Variants in NXPH2 observed in about 807,000 individuals in gnomAD.
NXPH2 encodes neurexophilin 2.
Under a neutral mutation model 19.8 loss-of-function variants are expected in NXPH2, and 5 were observed. The ratio of observed to expected loss-of-function variants is 0.25; its 90% confidence interval spans 0.13 to 0.53. NXPH2 has a LOEUF of 0.53. NXPH2 is among the 20% of genes least tolerant of loss of function. The pLI, the probability that NXPH2 is intolerant of heterozygous loss-of-function variation, is 0.96. For missense variants in NXPH2, 289 were observed against 322.8 expected (o/e 0.90, Z 0.80); for synonymous variants, 154 against 127.4 (o/e 1.21, Z -1.41).
Position 138,687,599 on chromosome 2 carries a change from G to A in NXPH2, c.52-15934C>T, listed in dbSNP as rs557040969. Reference sequence around the variant, plus strand: ...TTTGGCTTTTGTTTCTATTGCTTTTGGTGTTTTAGACATGAAGTCCTTGCC... The same window carrying A: ...TTTGGCTTTTGTTTCTATTGCTTTTAGTGTTTTAGACATGAAGTCCTTGCC... On this transcript the variant is annotated intron_variant, in intron 1 of 1. Transcript: ENST00000272641. Among the ~76,000 whole-genome samples, 251 of 152,198 alleles carry A rather than the reference G, an allele frequency of 1.6e-3. 1 individual carries two copies. Among genetic ancestry groups the A allele is most frequent in the African/African-American group, 5.9e-3 (244 of 41,502 alleles).
chr2:138,745,986 C>G (rs1681727328), intron 1 of NXPH2, among the ~76,000 whole-genome samples: 1 of 152,136 alleles, frequency 6.6e-6, no homozygotes, highest in Non-Finnish European at 1.5e-5. Context: ...AAATAGCCAT[C>G]CACAGATTCT....
At chr2:138,697,373 G>C (rs952621594) in intron 1 of NXPH2, among the ~76,000 whole-genome samples, 9 of 152,000 alleles carry the variant, frequency 5.9e-5, no homozygotes, top group Non-Finnish European at 1.0e-4. Flanking sequence ...TGAAATAAAT[G>C]ATGCCCAGAA....
At chr2:138,724,768 A>G (rs1681333660) in intron 1 of NXPH2, among the ~76,000 whole-genome samples, 1 of 152,254 alleles carries the variant, frequency 6.6e-6, no homozygotes, top group African/African-American at 2.4e-5. Context: ...TTAGTAGCTC[A>G]AGAAGATAAA....
At chr2:138,747,108 T>C (rs1339099422) in intron 1 of NXPH2, among the ~76,000 whole-genome samples, 1 of 152,208 alleles carries the variant, frequency 6.6e-6, no homozygotes, top group African/African-American at 2.4e-5. Context: ...CTCCTATTGA[T>C]GGACGTTTAG....
At chr2:138,706,601 A>G (rs963008166) in intron 1 of NXPH2, among the ~76,000 whole-genome samples, 24 of 152,150 alleles carry the variant, frequency 1.6e-4, no homozygotes, top group Admixed American at 2.6e-4. Flanking sequence ...TATGAATGAG[A>G]AAAAAGTTGT....
intron 1 of NXPH2, among the ~76,000 whole-genome samples, chr2:138,761,760 T>C (rs951200177): frequency 2.0e-5 from 3 of 152,200 alleles, no homozygotes; most frequent in Non-Finnish European, 4.4e-5. Flanking sequence ...TATTTAACTT[T>C]CAAAGATTCT....
chr2:138,732,700 C>T (rs1312376131), intron 1 of NXPH2, among the ~76,000 whole-genome samples: 1 of 152,040 alleles, frequency 6.6e-6, no homozygotes, highest in Non-Finnish European at 1.5e-5. Flanking sequence ...GTTCCTCCTG[C>T]CAATATTCTG....
intron 1 of NXPH2, among the ~76,000 whole-genome samples, chr2:138,701,694 G>A (rs538086512): frequency 1.3e-5 from 2 of 152,112 alleles, no homozygotes; most frequent in African/African-American, 4.8e-5. Context: ...ATATGATGTT[G>A]CTTTTTAATA....
intron 1 of NXPH2, among the ~76,000 whole-genome samples, chr2:138,777,696 G>A (rs1573987528): frequency 6.6e-6 from 1 of 151,426 alleles, no homozygotes; most frequent in East Asian, 1.9e-4. Flanking sequence ...TGTTCAATAT[G>A]CCCAAATGAA....
At chr2:138,740,992 G>A (rs532667404) in intron 1 of NXPH2, among the ~76,000 whole-genome samples, 13 of 152,140 alleles carry the variant, frequency 8.5e-5, no homozygotes, top group Admixed American at 1.3e-4. Flanking sequence ...TGCTTGAAGT[G>A]GAGAACCATA....
At chr2:138,726,726 A>C (rs990646385) in intron 1 of NXPH2, among the ~76,000 whole-genome samples, 2 of 152,154 alleles carry the variant, frequency 1.3e-5, no homozygotes, top group African/African-American at 4.8e-5. Context: ...CATTGTCAGC[A>C]TCCTGCACCT....
intron 1 of NXPH2, among the ~76,000 whole-genome samples, chr2:138,739,302 T>A (rs983750762): frequency 2.0e-5 from 3 of 152,154 alleles, no homozygotes; most frequent in African/African-American, 7.2e-5. Context: ...CCAGTGTGAA[T>A]GAAACCATCA....
chr2:138,747,042 C>T (rs758458791), intron 1 of NXPH2, among the ~76,000 whole-genome samples: 4 of 152,120 alleles, frequency 2.6e-5, no homozygotes, highest in Non-Finnish European at 5.9e-5. Context: ...ATATTCCCCT[C>T]CCACCTAAGG....
chr2:138,698,610 T>C (rs1454018687), intron 1 of NXPH2, among the ~76,000 whole-genome samples: 3 of 152,126 alleles, frequency 2.0e-5, no homozygotes, highest in Non-Finnish European at 4.4e-5. Context: ...ATCTCAGCAC[T>C]GTGGGAGGCC....
At chr2:138,721,713 AG>A (rs1284035601) in intron 1 of NXPH2, among the ~76,000 whole-genome samples, 3 of 152,240 alleles carry the variant, frequency 2.0e-5, no homozygotes, top group Non-Finnish European at 4.4e-5. Flanking sequence ...TGGGAGTTAA[AG>A]AATCGCCCTT....
In NXPH2 at chr2:138,670,215, C is replaced by T. The variant is rs1680393811; in HGVS notation, c.*707G>A. Reference sequence around the variant, plus strand: ...ATGATTTTTGTTATCGTTCAACAAACTTATTCTCAGATTTGCTTTCCCATT... The same window carrying T: ...ATGATTTTTGTTATCGTTCAACAAATTTATTCTCAGATTTGCTTTCCCATT... On this transcript the variant is annotated 3_prime_UTR_variant, in exon 2 of 2. Transcript: ENST00000272641. 6.6e-6 allele frequency among the ~76,000 whole-genome samples: 1 copy of T among 152,188 alleles called. No individual in the cohort carries two copies. Among genetic ancestry groups the T allele is most frequent in the African/African-American group, 2.4e-5 (1 of 41,454 alleles).
intron 1 of NXPH2, among the ~76,000 whole-genome samples, chr2:138,717,378 A>G (rs1247892768): frequency 6.6e-6 from 1 of 151,898 alleles, no homozygotes; most frequent in Non-Finnish European, 1.5e-5. Context: ...TAAACCAGGT[A>G]ACTTATAAGC....
chr2:138,697,217 A>G (rs1369190665), intron 1 of NXPH2, among the ~76,000 whole-genome samples: 1 of 152,170 alleles, frequency 6.6e-6, no homozygotes, highest in Non-Finnish European at 1.5e-5. Flanking sequence ...TCTTGAGGAC[A>G]TGAAAAAAGT....
intron 1 of NXPH2, among the ~76,000 whole-genome samples, chr2:138,686,556 T>C (rs58363783): frequency 6.6e-6 from 1 of 151,870 alleles, no homozygotes; most frequent in Non-Finnish European, 1.5e-5. Flanking sequence ...TATTTTATTT[T>C]ATTTTTTTAT....
Sources: allele counts gnomAD v4.1 joint callset (sites outside exome capture counted in the v4.1 genomes callset), GRCh38; gene constraint gnomAD v4.1.1; transcripts MANE v1.5; gene names NCBI Gene and HGNC (gene_info 2026-07-23, HGNC 2026-07-21).